Variants in LARP4B observed in about 807,000 individuals in gnomAD.
LARP4B encodes La ribonucleoprotein 4B.
LARP4B carries 12 observed loss-of-function variants against 89.8 expected under a neutral mutation model. The observed-to-expected ratio is 0.13, with a 90% CI of 0.09 to 0.22. LARP4B has a LOEUF of 0.22. LARP4B is among the 10% of genes least tolerant of loss of function. The pLI is 1.00. For missense variants in LARP4B, 757 were observed against 947.7 expected, an observed-to-expected ratio of 0.80 and a Z score of 2.64; for synonymous variants, 367 against 363.3, an observed-to-expected ratio of 1.01 and a Z score of -0.12.
In LARP4B at chr10:900,420, C is replaced by CTTTTTTTTTTTTTTTTTT. The variant is rs529963345; in HGVS notation, c.-39-14678_-39-14661dup. On this transcript the variant is annotated intron_variant, in intron 1 of 17. Transcript: ENST00000316157. ...ATTCTAGGATCGGAAAGAAGGATGT[C>CTTTTTTTTTTTTTTTTTT]TTTTTTTTTTTTTTTTTTTTTTTTT... is the stretch of plus-strand genomic sequence containing the variant. Among the ~76,000 whole-genome samples, 7 of 45,230 alleles carry CTTTTTTTTTTTTTTTTTT rather than the reference C, an allele frequency of 1.5e-4. 2 individuals are homozygous for CTTTTTTTTTTTTTTTTTT. Among genetic ancestry groups the CTTTTTTTTTTTTTTTTTT allele is most frequent in the Non-Finnish European group, 2.3e-4 (6 of 26,164 alleles). 29.7% of individuals were successfully genotyped at this position (45,230 alleles called of 152,430 possible).
chr10:933,585 G>A (rs1415870126), upstream of LARP4B, among the ~76,000 whole-genome samples: 1 of 152,142 alleles, frequency 6.6e-6, no homozygotes, highest in Non-Finnish European at 1.5e-5. Flanking sequence ...TATATTCATA[G>A]TAATGTTTTT....
At chr10:862,945 A>G (rs1834700962) in intron 5 of LARP4B, among the ~76,000 whole-genome samples, 1 of 152,124 alleles carries the variant, frequency 6.6e-6, no homozygotes, top group South Asian at 2.1e-4. Context: ...ATGGTCTTAC[A>G]TTTGCTTTCC....
At chr10:930,749 C>T (rs1341022312) in intron 1 of LARP4B, among the ~76,000 whole-genome samples, 1 of 152,188 alleles carries the variant, frequency 6.6e-6, no homozygotes, top group African/African-American at 2.4e-5. Context: ...TCAAGTCTAT[C>T]AACAGGAAAA....
intron 1 of LARP4B, among the ~76,000 whole-genome samples, chr10:891,271 C>T (rs1339474627): frequency 6.6e-6 from 1 of 152,104 alleles, no homozygotes; most frequent in Admixed American, 6.5e-5. Flanking sequence ...TCGGAACTGG[C>T]TTCTTCAACA....
At position 877,752 on chromosome 10, in the gene LARP4B, T is replaced by C. The variant is rs528767545; in HGVS notation, c.141+6695A>G. On this transcript the variant is annotated intron_variant, in intron 3 of 17. Coordinates refer to ENST00000316157, the MANE Select transcript of LARP4B (RefSeq NM_015155.3). Reference sequence around the variant, plus strand: ...CTGCAGTGATTACCACCATATGTGATATATTCTTTTACACTGGAGACATTT... The same window carrying C: ...CTGCAGTGATTACCACCATATGTGACATATTCTTTTACACTGGAGACATTT... Among the ~76,000 whole-genome samples, 21 of 152,258 alleles carry C rather than the reference T, an allele frequency of 1.4e-4. 1 individual carries two copies. The highest frequency in any genetic ancestry group is 5.1e-4 in the African/African-American group (21 of 41,554).
intron 8 of LARP4B, among the ~76,000 whole-genome samples, chr10:832,048 A>T (rs989401989): frequency 2.6e-5 from 4 of 151,536 alleles, no homozygotes; most frequent in African/African-American, 4.9e-5. Context: ...ATTTTTTTTT[A>T]TTTATTTATT....
chr10:920,597 A>C (rs985883426), intron 1 of LARP4B, among the ~76,000 whole-genome samples: 2 of 152,006 alleles, frequency 1.3e-5, no homozygotes, highest in African/African-American at 4.8e-5. Flanking sequence ...AATATGGAGA[A>C]ACCCTGTCTC....
intron 1 of LARP4B, among the ~76,000 whole-genome samples, chr10:909,736 G>T (rs894209644): frequency 6.6e-6 from 1 of 151,742 alleles, no homozygotes; most frequent in Non-Finnish European, 1.5e-5. Flanking sequence ...AGTGAGCTGA[G>T]ATCGCGCCAC....
rs180975886 is a variant in LARP4B, at chr10:816,672, C to T, written c.1695+1053G>A. 2.3e-3 allele frequency among the ~76,000 whole-genome samples: 350 copies of T among 152,298 alleles called. 1 individual carries two copies. The highest frequency in any genetic ancestry group is 8.0e-3 in the African/African-American group (332 of 41,568). The stretch of plus-strand genomic sequence containing the variant: ...ATGATCTTTAAACTGCATTTCTTCT[C>T]AAGGCACTAATACCTTAGAAATGAC... On this transcript the variant is annotated intron_variant, in intron 15 of 17. Transcript: ENST00000316157.
chr10:830,981 C>T lies in LARP4B; in HGVS notation c.751-4G>A, dbSNP rs373288981. On this transcript the variant is annotated splice_polypyrimidine_tract_variant and splice_region_variant and intron_variant, in intron 8 of 17. Coordinates refer to ENST00000316157, the MANE Select transcript of LARP4B (RefSeq NM_015155.3). The stretch of plus-strand genomic sequence containing the variant: ...CTTTAAATAGTGCTTCTACTTCCTA[C>T]AGGAAATAGAGATGTTAGAAATTAA... 3.4e-5 allele frequency: 35 copies of T among 1,022,236 alleles called. No homozygotes were observed. The highest frequency in any genetic ancestry group is 5.1e-5 in the Non-Finnish European group (34 of 666,332). 63.3% of individuals were successfully genotyped at this position (1,022,236 alleles called of 1,614,324 possible). A position where few individuals can be genotyped will look rare whatever the true frequency, so the allele number is the denominator to read the frequency against.
At chr10:957,895 C>T in the LARP4B span, among the ~76,000 whole-genome samples, 1 of 150,060 alleles carries the variant, frequency 6.7e-6, no homozygotes, top group South Asian at 2.1e-4. Flanking sequence ...CTCCCTGGTT[C>T]AAGCCCTCCT....
At chr10:921,234 T>C (rs566234733) in intron 1 of LARP4B, among the ~76,000 whole-genome samples, 3 of 151,446 alleles carry the variant, frequency 2.0e-5, no homozygotes, top group South Asian at 4.2e-4. Flanking sequence ...GATCGCACCA[T>C]TGCACTCCAG....
chr10:862,752 C>T (rs1215986591), intron 5 of LARP4B, among the ~76,000 whole-genome samples: 1 of 150,896 alleles, frequency 6.6e-6, no homozygotes, highest in East Asian at 1.9e-4. Flanking sequence ...AGTGAGACTC[C>T]GTCTCAAAAA....
chr10:939,148 C>G, the LARP4B span, among the ~76,000 whole-genome samples: 2 of 152,244 alleles, frequency 1.3e-5, no homozygotes, highest in Admixed American at 1.3e-4. Flanking sequence ...GGACTCCACC[C>G]TTCCTGGCTG....
chr10:828,273 T>A (rs1832727739), intron 11 of LARP4B, among the ~76,000 whole-genome samples: 1 of 152,202 alleles, frequency 6.6e-6, no homozygotes, highest in Admixed American at 6.5e-5. Flanking sequence ...TTCTCTTTGA[T>A]TCCTTCTGAA....
chr10:855,626 G>A (rs933048801), intron 5 of LARP4B, among the ~76,000 whole-genome samples: 5 of 152,028 alleles, frequency 3.3e-5, no homozygotes, highest in African/African-American at 1.2e-4. Flanking sequence ...AAAGATCATC[G>A]ATCACCACTA....
chr10:968,920 G>A, the LARP4B span, among the ~76,000 whole-genome samples: 1 of 152,224 alleles, frequency 6.6e-6, no homozygotes, highest in African/African-American at 2.4e-5. Flanking sequence ...AAGCTGTTAT[G>A]ATCTTATGCT....
intron 13 of LARP4B, among the ~76,000 whole-genome samples, chr10:821,914 A>T (rs997982522): frequency 6.6e-6 from 1 of 152,204 alleles, no homozygotes; most frequent in Non-Finnish European, 1.5e-5. Context: ...ATGAGTACTG[A>T]GCCACAGGTG....
At chr10:906,529 T>C (rs531761741) in intron 1 of LARP4B, among the ~76,000 whole-genome samples, 2 of 152,306 alleles carry the variant, frequency 1.3e-5, no homozygotes, top group African/African-American at 4.8e-5. Context: ...CAGACAGCGT[T>C]GATCCTGGTG....
Sources: gnomAD v4.1 joint callset for allele counts (sites outside exome capture counted in the v4.1 genomes callset) on GRCh38, gnomAD v4.1.1 for gene constraint, MANE v1.5 for transcripts, NCBI Gene and HGNC (gene_info 2026-07-23, HGNC 2026-07-21) for gene names.